The following CPNE5 variants were observed in gnomAD, a reference collection of about 807,000 sequenced individuals.
CPNE5 encodes the protein copine-5.
CPNE5 carries 42 observed loss-of-function variants against 81.1 expected under a neutral mutation model. The observed-to-expected ratio is 0.52, with a 90% CI of 0.40 to 0.67. CPNE5 has a LOEUF of 0.67. Among genes scored for constraint, CPNE5 ranks in the 30% least tolerant of loss-of-function variants. The pLI, the probability that CPNE5 is intolerant of heterozygous loss-of-function variation, is 0.00. For synonymous variants in CPNE5, 313 were observed against 321.5 expected, an observed-to-expected ratio of 0.97 and a Z score of 0.28; for missense variants, 612 against 815.5, an observed-to-expected ratio of 0.75 and a Z score of 3.04.
intron 4 of CPNE5, among the ~76,000 whole-genome samples, chr6:36,799,010 C>T (rs1305939519): frequency 2.6e-5 from 4 of 152,154 alleles, no homozygotes; most frequent in Non-Finnish European, 5.9e-5. Flanking sequence ...GCATTGACAC[C>T]TTCACCTCAG....
intron 9 of CPNE5, 93 bp from the exon 10 acceptor site, chr6:36,775,158 G>T: frequency 1.1e-6 from 1 of 901,300 alleles, no homozygotes; most frequent in Non-Finnish European, 1.8e-6. Context: ...TCACATCTCT[G>T]GTTCCTGGAC....
chr6:36,794,711 C>CA (rs1769416072), intron 6 of CPNE5, 62 bp from the exon 7 acceptor site: 3 of 1,480,898 alleles, frequency 2.0e-6, no homozygotes, highest in Admixed American at 1.8e-5. Flanking sequence ...CCAGACAGGC[C>CA]AGCGCACTTG....
intron 10 of CPNE5, among the ~76,000 whole-genome samples, chr6:36,770,318 T>C (rs752072137): frequency 4.6e-5 from 7 of 152,232 alleles, no homozygotes; most frequent in African/African-American, 7.2e-5. Flanking sequence ...ATATCTTCTC[T>C]TCTATTTCCC....
intron 3 of CPNE5, among the ~76,000 whole-genome samples, chr6:36,813,904 C>T (rs1020190868): frequency 2.6e-5 from 4 of 152,172 alleles, no homozygotes; most frequent in South Asian, 2.1e-4. Flanking sequence ...TGGTAGATTG[C>T]GGTTAATATT....
At chr6:36,818,916 C>T (rs1349478000) in intron 3 of CPNE5, among the ~76,000 whole-genome samples, 2 of 152,306 alleles carry the variant, frequency 1.3e-5, no homozygotes, top group East Asian at 1.9e-4. Flanking sequence ...ATCACGAGGA[C>T]ATGAACACAT....
At chr6:36,835,736 CAGTGA>C (rs1773438821) in intron 1 of CPNE5, among the ~76,000 whole-genome samples, 5 of 151,448 alleles carry the variant, frequency 3.3e-5, no homozygotes, top group Admixed American at 2.0e-4. Context: ...GCGGAGGTTG[CAGTGA>C]GCTGAGATCG....
chr6:36,789,751 G>A (rs142317884), intron 8 of CPNE5, among the ~76,000 whole-genome samples: 91 of 152,226 alleles, frequency 6.0e-4, no homozygotes, highest in Admixed American at 2.3e-3. Context: ...CTGAACACTC[G>A]GTCTGTGCTT....
intron 4 of CPNE5, among the ~76,000 whole-genome samples, chr6:36,799,709 C>T (rs530275919): frequency 6.6e-6 from 1 of 152,290 alleles, no homozygotes; most frequent in East Asian, 1.9e-4. Flanking sequence ...TTCCCCAGCA[C>T]CAAGCAGCTT....
intron 7 of CPNE5, 51 bp from the exon 8 acceptor site, chr6:36,792,147 T>C (rs774145412): frequency 6.4e-6 from 10 of 1,552,454 alleles, no homozygotes; most frequent in Non-Finnish European, 8.9e-6. Context: ...GACAGAGCCA[T>C]AAACCTGACA....
chr6:36,808,705 T>C (rs116629942), intron 3 of CPNE5, among the ~76,000 whole-genome samples: 204 of 152,326 alleles, frequency 1.3e-3, no homozygotes, highest in Non-Finnish European at 2.3e-3. Context: ...GTTGCAGAGC[T>C]GGTCTCCAAT....
intron 6 of CPNE5, among the ~76,000 whole-genome samples, chr6:36,797,468 T>C (rs1197576777): frequency 6.6e-6 from 1 of 152,210 alleles, no homozygotes; most frequent in East Asian, 1.9e-4. Context: ...GTGACCAGTG[T>C]TCCCCAGTGT....
chr6:36,809,286 C>T (rs1161909231), intron 3 of CPNE5, among the ~76,000 whole-genome samples: 1 of 151,994 alleles, frequency 6.6e-6, no homozygotes, highest in Non-Finnish European at 1.5e-5. Flanking sequence ...AGAAAGAGTC[C>T]TCAACCCTCC....
intron 1 of CPNE5, among the ~76,000 whole-genome samples, chr6:36,828,880 T>A (rs929544886): frequency 3.3e-5 from 5 of 152,216 alleles, no homozygotes; most frequent in Non-Finnish European, 7.3e-5. Flanking sequence ...ATATGACCTC[T>A]GGCATGTCAT....
chr6:36,810,147 C>T (rs1770971178), intron 3 of CPNE5, among the ~76,000 whole-genome samples: 1 of 152,002 alleles, frequency 6.6e-6, no homozygotes. Context: ...GCGTGGGTGG[C>T]TCTCTGCAAG....
At chr6:36,807,235 C>T (rs927051806) in intron 3 of CPNE5, among the ~76,000 whole-genome samples, 6 of 152,188 alleles carry the variant, frequency 3.9e-5, no homozygotes, top group East Asian at 1.9e-4. Context: ...AAAGTGAAGT[C>T]GTTAATAGTG....
Position 36,839,170 on chromosome 6 carries a change from GACCAGGAC to G in CPNE5, c.95+105_95+112del. 1 of 757,492 alleles carries G rather than the reference GACCAGGAC, an allele frequency of 1.3e-6. No individual in the cohort carries two copies. The highest frequency in any genetic ancestry group is 2.1e-6 in the Non-Finnish European group (1 of 483,340). The allele number at this position is 757,492 out of a possible 1,614,324, so 46.9% of individuals were successfully genotyped here. ...AGATCGGCAGGGGCGCAGTCCTGGA[GACCAGGAC>G]ACTCTGGGAAGGGGGCGCGCGGAGG... On this transcript the variant is annotated intron_variant, in intron 1 of 20. Transcript: ENST00000244751. The surrounding 1 kb of genome is among the most constrained non-coding windows in gnomAD (Gnocchi z 7.3).
In CPNE5 at chr6:36,820,404, C is replaced by T. The variant is rs759767881; in HGVS notation, c.183+1710G>A. 2.6e-4 allele frequency among the ~76,000 whole-genome samples: 35 copies of T among 135,108 alleles called. 1 individual carries two copies. The East Asian group carries it at 3.9e-3, about 15-fold the overall frequency. The allele number at this position is 135,108 out of a possible 152,430, so 88.6% of individuals were successfully genotyped here. On this transcript the variant is annotated intron_variant, in intron 3 of 20. Transcript: ENST00000244751. ...TCGCCCAGGCTGGAGTGCAGTGGTACGATCTCGGCTCACTGCAACCTCTGC... is the reference window on the plus strand; with the variant it reads ...TCGCCCAGGCTGGAGTGCAGTGGTATGATCTCGGCTCACTGCAACCTCTGC...
At chr6:36,764,077 C>G (rs1264347956) in intron 11 of CPNE5, among the ~76,000 whole-genome samples, 1 of 92,606 alleles carries the variant, frequency 1.1e-5, no homozygotes, top group Non-Finnish European at 2.4e-5. Flanking sequence ...TCCCTGGGGC[C>G]CCACCCCCCC....
chr6:36,753,682 AGAGGTAACT>A (rs1412774527), intron 13 of CPNE5, among the ~76,000 whole-genome samples: 1 of 152,172 alleles, frequency 6.6e-6, no homozygotes, highest in East Asian at 1.9e-4. Context: ...CCTTTTCCCC[AGAGGTAACT>A]GACTACCCCA....
Sources: gnomAD v4.1 joint callset for allele counts (sites outside exome capture counted in the v4.1 genomes callset) on GRCh38, gnomAD v4.1.1 for gene constraint, Gnocchi (gnomAD v3.1) non-coding constraint, MANE v1.5 for transcripts, NCBI Gene and HGNC (gene_info 2026-07-23, HGNC 2026-07-21) for gene names.